Variants in DSE observed in about 807,000 individuals in gnomAD.
DSE encodes dermatan sulfate epimerase.
In DSE, 36 loss-of-function variants were observed where a neutral mutation model predicts 84.4. That is an observed-to-expected ratio of 0.43 (90% CI 0.33 to 0.56). The LOEUF (loss-of-function observed/expected upper bound fraction) is 0.56, where lower values mean the gene tolerates loss of function less well. DSE is among the 20% of genes least tolerant of loss of function. The pLI is 0.06. For synonymous variants in DSE, 410 were observed against 430.1 expected (o/e 0.95, Z 0.58); for missense variants, 862 against 1,169.6 (o/e 0.74, Z 3.84).
intron 2 of DSE, among the ~76,000 whole-genome samples, chr6:116,345,166 A>G (rs1041510545): frequency 2.0e-5 from 3 of 152,166 alleles, no homozygotes; most frequent in African/African-American, 7.2e-5. Context: ...CACAATAATA[A>G]TGGGAGACTT....
intron 2 of DSE, among the ~76,000 whole-genome samples, chr6:116,308,071 T>C (rs1299143238): frequency 6.6e-6 from 1 of 152,224 alleles, no homozygotes; most frequent in Non-Finnish European, 1.5e-5. Context: ...CTGTGTTCTT[T>C]GGATAACCAG....
intron 2 of DSE, among the ~76,000 whole-genome samples, chr6:116,333,206 T>C (rs186859220): frequency 1.4e-4 from 22 of 152,318 alleles, no homozygotes; most frequent in African/African-American, 5.3e-4. Flanking sequence ...TCTTAGTCCA[T>C]TTTCTGCTGC....
At chr6:116,365,709 T>C (rs142921182), upstream of DSE, among the ~76,000 whole-genome samples, 2 of 152,314 alleles carry the variant, frequency 1.3e-5, no homozygotes, top group African/African-American at 4.8e-5. Flanking sequence ...AGGAATTAAA[T>C]CAGAATTTCT....
chr6:116,310,495 A>G (rs1429007806), intron 2 of DSE, among the ~76,000 whole-genome samples: 1 of 151,246 alleles, frequency 6.6e-6, no homozygotes, highest in Non-Finnish European at 1.5e-5. Flanking sequence ...CCCTGTAACC[A>G]CTCACTGTAC....
intron 2 of DSE, among the ~76,000 whole-genome samples, chr6:116,328,871 G>C (rs192104788): frequency 6.7e-6 from 1 of 148,454 alleles, no homozygotes; most frequent in African/African-American, 2.6e-5. Flanking sequence ...AAGGAGAGTA[G>C]TTCACCCCTA....
upstream of DSE, chr6:116,370,086 T>C (rs1779421250): frequency 6.6e-6 from 4 of 603,634 alleles, no homozygotes; most frequent in Non-Finnish European, 1.0e-5. Flanking sequence ...CTGAGCGTGT[T>C]TGAGCAGTGG....
chr6:116,395,783 A>G lies in DSE; in HGVS notation c.-53-3415A>G, dbSNP rs1489225690. Among the ~76,000 whole-genome samples, 4 of 152,202 alleles carry G rather than the reference A, an allele frequency of 2.6e-5. No individual in the cohort carries two copies. In the East Asian group the frequency reaches 7.7e-4, roughly 29 times the overall value. ...TGGCTCTTCTCTTTGTACAATGAGC[A>G]CACACAATGTCTAGAGTGGAAGGTC... On this transcript the variant is annotated intron_variant, in intron 1 of 5. Transcript: ENST00000644252.
At chr6:116,258,500 T>C (rs752381832) in exon 2 of DSE, 6 of 1,142,728 alleles carry the variant, frequency 5.3e-6, no homozygotes, top group East Asian at 2.3e-5. Context: ...AAATCAGCGG[T>C]TGGACTTGGC....
intron 2 of DSE, among the ~76,000 whole-genome samples, chr6:116,281,682 C>T (rs1361385219): frequency 6.6e-6 from 1 of 152,248 alleles, no homozygotes; most frequent in Non-Finnish European, 1.5e-5. Context: ...GGTTTCGTTT[C>T]CCTCTGTTTA....
At chr6:116,270,353 C>T (rs1424685546) in intron 2 of DSE, among the ~76,000 whole-genome samples, 1 of 152,276 alleles carries the variant, frequency 6.6e-6, no homozygotes, top group African/African-American at 2.4e-5. Context: ...CATCTGAACA[C>T]AACTCTTAAT....
intron 3 of DSE, among the ~76,000 whole-genome samples, chr6:116,428,058 G>A (rs1375099461): frequency 2.0e-5 from 3 of 152,132 alleles, no homozygotes; most frequent in Non-Finnish European, 4.4e-5. Flanking sequence ...GCGTTGTGGC[G>A]TGTGCCTGTA....
chr6:116,340,811 C>T (rs1008804731), intron 2 of DSE, among the ~76,000 whole-genome samples: 1 of 152,196 alleles, frequency 6.6e-6, no homozygotes, highest in Non-Finnish European at 1.5e-5. Context: ...CTACAAAGGA[C>T]ATGAACTCAT....
chr6:116,409,271 G>A (rs892024145), intron 2 of DSE, among the ~76,000 whole-genome samples: 1 of 151,860 alleles, frequency 6.6e-6, no homozygotes, highest in Non-Finnish European at 1.5e-5. Flanking sequence ...TACTGTATTT[G>A]TTTTTTTGTT....
At chr6:116,408,455 G>A (rs1782079689) in intron 2 of DSE, among the ~76,000 whole-genome samples, 1 of 152,168 alleles carries the variant, frequency 6.6e-6, no homozygotes, top group African/African-American at 2.4e-5. Context: ...ATGAATGGAT[G>A]GATGAATGAA....
At chr6:116,254,212 T>C in exon 1 of DSE, 2 of 716,400 alleles carry the variant, frequency 2.8e-6, no homozygotes, top group South Asian at 3.0e-5. Context: ...TCGTATTCCT[T>C]TGTCTTCTTG....
intron 4 of DSE, chr6:116,432,698 A>G (rs191018559): frequency 1.3e-5 from 2 of 148,928 alleles, no homozygotes; most frequent in Non-Finnish European, 3.0e-5. Flanking sequence ...TTCTTTTTTC[A>G]TGAACACGTG....
chr6:116,297,042 T>C (rs1277752163), intron 2 of DSE, among the ~76,000 whole-genome samples: 3 of 152,162 alleles, frequency 2.0e-5, no homozygotes, highest in East Asian at 3.9e-4. Context: ...CTGTAGACAC[T>C]GTGAGAAGTG....
intron 2 of DSE, among the ~76,000 whole-genome samples, chr6:116,405,156 C>T (rs1781840530): frequency 6.6e-6 from 1 of 152,078 alleles, no homozygotes; most frequent in South Asian, 2.1e-4. Context: ...CATTGCTGTA[C>T]GTATGAAAAT....
At chr6:116,273,676 C>T (rs968675403) in intron 2 of DSE, among the ~76,000 whole-genome samples, 23 of 152,218 alleles carry the variant, frequency 1.5e-4, no homozygotes, top group Middle Eastern at 6.8e-3. Flanking sequence ...AAAAAGGAAA[C>T]ATTCAAGGAA....
Sources: allele counts gnomAD v4.1 joint callset (sites outside exome capture counted in the v4.1 genomes callset), GRCh38; gene constraint gnomAD v4.1.1; transcripts MANE v1.5; gene names NCBI Gene and HGNC (gene_info 2026-07-23, HGNC 2026-07-21).